The following ZNF536 variants were observed in gnomAD, a reference collection of about 807,000 sequenced individuals.
ZNF536 encodes the protein zinc finger protein 536.
ZNF536 carries 13 observed loss-of-function variants against 84.5 expected under a neutral mutation model. The observed-to-expected ratio is 0.15, with a 90% confidence interval of 0.10 to 0.24. ZNF536 has a LOEUF of 0.24. ZNF536 is among the 10% of genes least tolerant of loss of function. The pLI is 1.00. For synonymous variants in ZNF536, 811 were observed against 742.5 expected, an observed-to-expected ratio of 1.09 and a Z score of -1.50; for missense variants, 1,536 against 1,747.5, an observed-to-expected ratio of 0.88 and a Z score of 2.16.
At chr19:30,568,686 G>A (rs1454335947) in intron 1 of ZNF536, among the ~76,000 whole-genome samples, 1 of 152,258 alleles carries the variant, frequency 6.6e-6, no homozygotes, top group Non-Finnish European at 1.5e-5. Flanking sequence ...AGGGACGTCA[G>A]CCTGGCTGGG....
At chr19:30,711,425 A>G (rs1029040220) in exon 2 of ZNF536, 2 of 152,216 alleles carry the variant, frequency 1.3e-5, no homozygotes, top group Non-Finnish European at 2.9e-5. Context: ...AAACACCTCT[A>G]TAATCTGACA....
chr19:30,708,301 A>T (rs1181112396), intron 1 of ZNF536, among the ~76,000 whole-genome samples: 1 of 152,248 alleles, frequency 6.6e-6, no homozygotes, highest in Non-Finnish European at 1.5e-5. Flanking sequence ...AGGGTAGACA[A>T]GCAAGGGTAT....
downstream of ZNF536, among the ~76,000 whole-genome samples, chr19:30,561,928 G>C (rs961557515): frequency 6.6e-6 from 1 of 152,184 alleles, no homozygotes; most frequent in Non-Finnish European, 1.5e-5. Flanking sequence ...GTACCCAGTA[G>C]AAAGTCGCAG....
At chr19:30,592,408 A>T (rs1384509520) in intron 1 of ZNF536, among the ~76,000 whole-genome samples, 1 of 152,080 alleles carries the variant, frequency 6.6e-6, no homozygotes, top group Non-Finnish European at 1.5e-5. Context: ...TAGGATGTGG[A>T]AAGAAAATGG....
intron 1 of ZNF536, among the ~76,000 whole-genome samples, chr19:30,408,920 T>C (rs1309250494): frequency 2.6e-5 from 4 of 151,128 alleles, no homozygotes; most frequent in Non-Finnish European, 4.4e-5. Flanking sequence ...TGTCTATTCA[T>C]CCATTCATCC....
At chr19:30,498,063 T>C (rs1040344290) in intron 2 of ZNF536, among the ~76,000 whole-genome samples, 12 of 152,192 alleles carry the variant, frequency 7.9e-5, no homozygotes, top group African/African-American at 2.7e-4. Context: ...AGAAATACCA[T>C]TTGACCCAGC....
chr19:30,560,401 T>C (rs1016626690), downstream of ZNF536, among the ~76,000 whole-genome samples: 32 of 151,278 alleles, frequency 2.1e-4, no homozygotes, highest in Non-Finnish European at 3.5e-4. Flanking sequence ...TCCATCCCCA[T>C]GTGGAAATAT....
chr19:30,407,301 G>A (rs914007526), intron 1 of ZNF536, among the ~76,000 whole-genome samples: 6 of 152,152 alleles, frequency 3.9e-5, no homozygotes, highest in African/African-American at 1.4e-4. Context: ...TTCAAAATCA[G>A]CTTGCTGTTT....
chr19:30,613,022 G>A (rs1453793309), intron 1 of ZNF536, among the ~76,000 whole-genome samples: 5 of 152,184 alleles, frequency 3.3e-5, no homozygotes, highest in Admixed American at 6.5e-5. Context: ...GGAGAAAAAC[G>A]CTCAGTTTGG....
intron 1 of ZNF536, among the ~76,000 whole-genome samples, chr19:30,438,315 A>G (rs2051850171): frequency 6.6e-6 from 1 of 152,070 alleles, no homozygotes; most frequent in Admixed American, 6.5e-5. Context: ...TATACCCATT[A>G]TTGAGATTAG....
At chr19:30,650,871 G>A (rs768479373) in intron 1 of ZNF536, among the ~76,000 whole-genome samples, 5 of 152,184 alleles carry the variant, frequency 3.3e-5, no homozygotes, top group Admixed American at 6.5e-5. Context: ...GGACGTTGGA[G>A]CATACTGTCA....
chr19:30,400,417 A>C (rs1378657036), intron 1 of ZNF536, among the ~76,000 whole-genome samples: 2 of 152,182 alleles, frequency 1.3e-5, no homozygotes, highest in African/African-American at 4.8e-5. Flanking sequence ...ACAGAATTTT[A>C]ACTGTTTTAA....
chr19:30,634,327 G>A (rs1466785133), intron 1 of ZNF536, among the ~76,000 whole-genome samples: 3 of 152,168 alleles, frequency 2.0e-5, no homozygotes, highest in East Asian at 1.9e-4. Flanking sequence ...CAACAATAGT[G>A]GTCGACGCTC....
chr19:30,430,248 T>A (rs1450565204), intron 1 of ZNF536, among the ~76,000 whole-genome samples: 1 of 152,218 alleles, frequency 6.6e-6, no homozygotes, highest in Non-Finnish European at 1.5e-5. Flanking sequence ...GCTGGAGGCC[T>A]GCAACTTGTT....
intron 1 of ZNF536, among the ~76,000 whole-genome samples, chr19:30,608,796 T>C (rs1398371006): frequency 6.6e-6 from 1 of 152,198 alleles, no homozygotes; most frequent in African/African-American, 2.4e-5. Context: ...AAGGAAGATA[T>C]AGGACTTTCA....
chr19:30,441,301 G>T (rs1411229376), intron 1 of ZNF536, among the ~76,000 whole-genome samples: 1 of 152,250 alleles, frequency 6.6e-6, no homozygotes, highest in African/African-American at 2.4e-5. Context: ...GAGCAATCCT[G>T]TGTGGCTTCA....
intron 1 of ZNF536, among the ~76,000 whole-genome samples, chr19:30,696,263 T>G (rs1348776349): frequency 2.0e-5 from 3 of 152,006 alleles, no homozygotes; most frequent in Admixed American, 6.5e-5. Context: ...TCTGGAGGAG[T>G]GAGGTGGGCC....
intron 1 of ZNF536, among the ~76,000 whole-genome samples, chr19:30,564,130 A>C (rs1455048961): frequency 6.6e-6 from 1 of 152,078 alleles, no homozygotes; most frequent in African/African-American, 2.4e-5. Context: ...GTTCAAAGAG[A>C]AGAAGGAGGA....
At chr19:30,308,931 T>C (rs1054052001) in intron 2 of ZNF536, among the ~76,000 whole-genome samples, 1 of 152,116 alleles carries the variant, frequency 6.6e-6, no homozygotes, top group Non-Finnish European at 1.5e-5. Context: ...TCAATGACAG[T>C]GTGATTCGTG....
Sources: gnomAD v4.1 joint callset for allele counts (sites outside exome capture counted in the v4.1 genomes callset) on GRCh38, gnomAD v4.1.1 for gene constraint, MANE v1.5 for transcripts, NCBI Gene and HGNC (gene_info 2026-07-23, HGNC 2026-07-21) for gene names.